LIPI: variants seen among roughly 807,000 people sequenced by gnomAD.
LIPI encodes the protein lipase member I.
Under a neutral mutation model 50.6 loss-of-function variants are expected in LIPI, and 59 were observed. The observed-to-expected ratio is 1.16, with a 90% CI of 0.94 to 1.45. The LOEUF (loss-of-function observed/expected upper bound fraction) is 1.45, where lower values mean the gene tolerates loss of function less well. LIPI is among the 40% of genes most tolerant of loss of function. The pLI is 0.00. For missense variants in LIPI, 586 were observed against 536.3 expected (o/e 1.09, Z -0.92); for synonymous variants, 203 against 178.2 (o/e 1.14, Z -1.11).
In LIPI at chr21:14,152,631, A is replaced by G. The variant is rs868476103; in HGVS notation, c.1060T>C (p.Ser354Pro). ...IVPDKTMMDG[S>P]FSFKLLNQLG... The stretch of plus-strand genomic sequence containing the variant: ...TGATTTAATAATTTAAATGAAAACG[A>G]GCCATCCATCATAGTTTTATCTGGA... Residue 354 changes from serine to proline, a missense_variant, in exon 8 of 10, where the codon TCG becomes CCG. Coordinates refer to ENST00000681601, the MANE Select transcript of LIPI (RefSeq NM_001302998.2). 6.3e-7 allele frequency: 1 copy of G among 1,591,282 alleles called. No homozygotes were observed. Among genetic ancestry groups the G allele is most frequent in the African/African-American group, 1.3e-5 (1 of 74,426 alleles).
intron 8 of LIPI, among the ~76,000 whole-genome samples, chr21:14,145,798 G>C (rs1014245360): frequency 6.6e-6 from 1 of 152,118 alleles, no homozygotes; most frequent in African/African-American, 2.4e-5. Context: ...ATCACACAGA[G>C]AACAGCTGAA....
intron 9 of LIPI, among the ~76,000 whole-genome samples, chr21:14,115,637 G>C (rs115566652): frequency 3.3e-5 from 5 of 152,160 alleles, no homozygotes; most frequent in Non-Finnish European, 5.9e-5. Flanking sequence ...GCACCACTGA[G>C]TAACACAGCC....
At chr21:14,183,721 A>G (rs998173919) in intron 3 of LIPI, among the ~76,000 whole-genome samples, 42 of 152,334 alleles carry the variant, frequency 2.8e-4, no homozygotes, top group African/African-American at 8.7e-4. Flanking sequence ...AAACACATGA[A>G]AAAATGCTCA....
At chr21:14,158,642 G>A (rs2018356758) in intron 7 of LIPI, among the ~76,000 whole-genome samples, 1 of 148,204 alleles carries the variant, frequency 6.7e-6, no homozygotes, top group African/African-American at 2.4e-5. Context: ...TATATATAGA[G>A]AGAGAACAAA....
intron 7 of LIPI, among the ~76,000 whole-genome samples, chr21:14,161,746 AAT>A (rs1305080235): frequency 1.3e-5 from 1 of 77,630 alleles, no homozygotes; most frequent in Non-Finnish European, 2.2e-5. Flanking sequence ...ATTATATATT[AAT>A]ATATAATATA....
intron 4 of LIPI, among the ~76,000 whole-genome samples, chr21:14,167,676 A>G (rs567681856): frequency 6.6e-6 from 1 of 152,322 alleles, no homozygotes; most frequent in Admixed American, 6.5e-5. Context: ...AAGGAAAACT[A>G]ACAAACAGAA....
At chr21:14,150,713 GAAT>G (rs1232128194) in intron 8 of LIPI, among the ~76,000 whole-genome samples, 2 of 152,154 alleles carry the variant, frequency 1.3e-5, no homozygotes, top group Admixed American at 1.3e-4. Context: ...AACAATTATG[GAAT>G]AATATTAGTT....
intron 7 of LIPI, among the ~76,000 whole-genome samples, chr21:14,159,445 A>C (rs1386377659): frequency 2.0e-5 from 3 of 151,440 alleles, no homozygotes; most frequent in Non-Finnish European, 4.4e-5. Context: ...GCAAAATCCA[A>C]CACATATTTA....
intron 7 of LIPI, among the ~76,000 whole-genome samples, chr21:14,154,684 G>A (rs1469359433): frequency 6.6e-6 from 1 of 152,004 alleles, no homozygotes; most frequent in African/African-American, 2.4e-5. Flanking sequence ...TGATAAAATA[G>A]TCTGTGAAGC....
At chr21:14,150,128 C>T (rs13053006) in intron 8 of LIPI, among the ~76,000 whole-genome samples, 1 of 152,206 alleles carries the variant, frequency 6.6e-6, no homozygotes, top group African/African-American at 2.4e-5. Context: ...CACACACCCT[C>T]TGAAATCTAG....
At chr21:14,154,146 T>C (rs905548922) in intron 7 of LIPI, among the ~76,000 whole-genome samples, 1 of 147,264 alleles carries the variant, frequency 6.8e-6, no homozygotes, top group African/African-American at 2.5e-5. Flanking sequence ...GACAAACCAC[T>C]GAGACTGGAA....
chr21:14,201,553 T>C (rs950517089), intron 1 of LIPI, among the ~76,000 whole-genome samples: 11 of 152,110 alleles, frequency 7.2e-5, no homozygotes, highest in Non-Finnish European at 1.3e-4. Context: ...ATAAAAGTAA[T>C]CCAGCATATA....
chr21:14,140,115 A>C (rs11700847), intron 9 of LIPI, among the ~76,000 whole-genome samples: 142 of 152,214 alleles, frequency 9.3e-4, no homozygotes, highest in African/African-American at 3.2e-3. Context: ...TTATAGGACA[A>C]CAAATTATAG....
intron 4 of LIPI, among the ~76,000 whole-genome samples, chr21:14,181,331 T>C (rs1442657363): frequency 2.0e-5 from 3 of 152,184 alleles, no homozygotes; most frequent in Non-Finnish European, 2.9e-5. Context: ...GGAAGACTAT[T>C]CTTTATTTGT....
At position 14,165,391 on chromosome 21, in the gene LIPI, C is replaced by T; in HGVS notation, c.734-1G>A. 6.2e-7 allele frequency: 1 copy of T among 1,601,000 alleles called. No homozygotes were observed. Among genetic ancestry groups the T allele is most frequent in the Non-Finnish European group, 8.5e-7 (1 of 1,170,218 alleles). On this transcript the variant is annotated splice_acceptor_variant, in intron 5 of 9. Transcript: ENST00000681601. LOFTEE classifies it high-confidence loss of function. ...TGGTTGCATTTAATGAATTGAATTC[C>T]TTAAGGGTTAAAAAAAAAACAAAGA...
chr21:14,118,919 G>A (rs950604512), intron 9 of LIPI, among the ~76,000 whole-genome samples: 2 of 152,110 alleles, frequency 1.3e-5, no homozygotes, highest in East Asian at 1.9e-4. Context: ...CCTATTGCTG[G>A]TGTTAAAACT....
intron 4 of LIPI, 21 bp from the exon 5 acceptor site, chr21:14,166,472 G>A (rs2018689648): frequency 1.6e-6 from 2 of 1,249,430 alleles, no homozygotes; most frequent in Admixed American, 1.7e-5. Context: ...AGGCACCCAA[G>A]AATCACAACA....
chr21:14,187,222 AATTAGAAGACTAC>A (rs2019486416), intron 2 of LIPI, among the ~76,000 whole-genome samples: 1 of 152,138 alleles, frequency 6.6e-6, no homozygotes, highest in African/African-American at 2.4e-5. Flanking sequence ...CAGGAAGGGA[AATTAGAAGACTAC>A]ATGAGAGTGT....
At chr21:14,196,362 A>G (rs2123312597) in intron 1 of LIPI, among the ~76,000 whole-genome samples, 2 of 152,348 alleles carry the variant, frequency 1.3e-5, no homozygotes, top group South Asian at 4.1e-4. Flanking sequence ...TCTATAAAAG[A>G]AATATTTAAT....
Sources: gnomAD v4.1 joint callset for allele counts (sites outside exome capture counted in the v4.1 genomes callset) on GRCh38, gnomAD v4.1.1 for gene constraint, MANE v1.5 for transcripts, NCBI Gene and HGNC (gene_info 2026-07-23, HGNC 2026-07-21) for gene names.